The following SDK1 variants were observed in gnomAD, a reference collection of about 807,000 sequenced individuals.
The protein encoded by SDK1 is protein sidekick-1.
A neutral mutation model predicts 245.5 loss-of-function variants in SDK1; 157 were observed. That is an observed-to-expected ratio of 0.64 (90% CI 0.56 to 0.73). The LOEUF is 0.73. Among genes scored for constraint, SDK1 ranks in the 30% least tolerant of loss-of-function variants. The probability of loss-of-function intolerance (pLI) is 0.00; values close to 1 mark genes in which losing one functional copy is unlikely to be tolerated. For missense variants in SDK1, 3,583 were observed against 3,002.3 expected, an observed-to-expected ratio of 1.19 and a Z score of -4.52; for synonymous variants, 1,647 against 1,278.5, an observed-to-expected ratio of 1.29 and a Z score of -6.15.
chr7:3,535,924 A>C (rs939665827), intron 1 of SDK1, among the ~76,000 whole-genome samples: 1 of 152,168 alleles, frequency 6.6e-6, no homozygotes, highest in Admixed American at 6.5e-5. Flanking sequence ...ATGTAAACAT[A>C]TTCCTGAACA....
rs1468435757 is a variant in SDK1 at position 3,969,345 on chromosome 7, C to T, written c.1635C>T (p.Ile545=). The T allele has an allele frequency of 1.2e-5, 20 of 1,611,262 alleles. No individual in the cohort carries two copies. The highest frequency in any genetic ancestry group is 1.7e-5 in the Admixed American group (1 of 59,576). ...GTCTACAGATCGCGCCCGTCTTCAT[C>T]CAGGATGCCGGCAACTACACCTGCT... ...SGGLQIAPVF[I]QDAGNYTCYA... Residue 545 remains isoleucine, a synonymous_variant, in exon 11 of 45, where the codon ATC becomes ATT. Coordinates refer to ENST00000404826, the MANE Select transcript of SDK1 (RefSeq NM_152744.4).
At chr7:3,444,839 C>T (rs1780299144) in intron 1 of SDK1, among the ~76,000 whole-genome samples, 1 of 152,144 alleles carries the variant, frequency 6.6e-6, no homozygotes, top group African/African-American at 2.4e-5. Flanking sequence ...CCCTTTAGAG[C>T]CCTACCTGCA....
At chr7:3,856,184 T>C (rs1780540837) in intron 5 of SDK1, among the ~76,000 whole-genome samples, 1 of 152,126 alleles carries the variant, frequency 6.6e-6, no homozygotes, top group East Asian at 1.9e-4. Flanking sequence ...TGATTCAGTC[T>C]AGATACAAGG....
At chr7:3,359,383 C>T (rs959690666) in intron 1 of SDK1, among the ~76,000 whole-genome samples, 4 of 152,094 alleles carry the variant, frequency 2.6e-5, no homozygotes, top group South Asian at 2.1e-4. Context: ...GTTAAGTTTT[C>T]GTTGTTGTTG....
At chr7:4,143,009 A>G (rs1301327938) in intron 28 of SDK1, among the ~76,000 whole-genome samples, 3 of 152,156 alleles carry the variant, frequency 2.0e-5, no homozygotes, top group Non-Finnish European at 4.4e-5. Flanking sequence ...TGGGGAATTT[A>G]CATTTTAAGG....
intron 1 of SDK1, among the ~76,000 whole-genome samples, chr7:3,585,576 AG>A (rs1350858967): frequency 2.0e-5 from 3 of 152,144 alleles, no homozygotes; most frequent in Non-Finnish European, 4.4e-5. Context: ...GAAGAGGAAG[AG>A]GGTCATGAAG....
At chr7:3,541,123 C>G (rs1417924230) in intron 1 of SDK1, among the ~76,000 whole-genome samples, 1 of 152,206 alleles carries the variant, frequency 6.6e-6, no homozygotes, top group Non-Finnish European at 1.5e-5. Context: ...TACATGCATT[C>G]TGATTCGAAA....
At chr7:3,531,576 A>T (rs958383164) in intron 1 of SDK1, among the ~76,000 whole-genome samples, 1 of 152,194 alleles carries the variant, frequency 6.6e-6, no homozygotes, top group African/African-American at 2.4e-5. Context: ...GCCACTACCT[A>T]AGTATGTCTC....
chr7:3,409,745 C>T (rs1346611273), intron 1 of SDK1, among the ~76,000 whole-genome samples: 1 of 152,028 alleles, frequency 6.6e-6, no homozygotes, highest in Non-Finnish European at 1.5e-5. Flanking sequence ...GAGAGGAGAA[C>T]CACGCTTTGT....
intron 4 of SDK1, among the ~76,000 whole-genome samples, chr7:3,693,938 A>T (rs1182412834): frequency 6.6e-6 from 1 of 152,108 alleles, no homozygotes; most frequent in Non-Finnish European, 1.5e-5. Context: ...CCATGCTCTG[A>T]CACTCAGCTG....
intron 20 of SDK1, among the ~76,000 whole-genome samples, chr7:4,074,778 G>A (rs1257816091): frequency 1.3e-5 from 2 of 149,498 alleles, no homozygotes; most frequent in South Asian, 2.1e-4. Flanking sequence ...TGGGAGAATC[G>A]CTTGGGTTGA....
chr7:4,014,009 A>G (rs942797612), intron 16 of SDK1, among the ~76,000 whole-genome samples: 2 of 152,230 alleles, frequency 1.3e-5, no homozygotes, highest in African/African-American at 4.8e-5. Context: ...CTCCTGTGGC[A>G]CTGCTGCTCT....
intron 1 of SDK1, among the ~76,000 whole-genome samples, chr7:3,610,797 C>G (rs1041721520): frequency 6.6e-6 from 1 of 152,210 alleles, no homozygotes; most frequent in African/African-American, 2.4e-5. Context: ...TGGCTGACTG[C>G]ATAGGCAAAC....
At position 4,267,358 on chromosome 7, in the gene SDK1, T is replaced by A; in HGVS notation, c.*1974T>A. ...CTATTCCTTCTTCCTTTTCTCCTCC[T>A]TTTTCTGAGTGGAGGGGGAAATATT... On this transcript the variant is annotated 3_prime_UTR_variant, in exon 45 of 45. Transcript: ENST00000404826. 1.0e-6 allele frequency: 1 copy of A among 974,196 alleles called. No individual in the cohort carries two copies. The highest frequency in any genetic ancestry group is 1.2e-6 in the Non-Finnish European group (1 of 823,318). 60.3% of individuals were successfully genotyped at this position (974,196 alleles called of 1,614,324 possible).
chr7:3,346,827 A>ATATAATTTTTTTTTTT, intron 1 of SDK1, among the ~76,000 whole-genome samples: 1 of 16,388 alleles, frequency 6.1e-5, no homozygotes, highest in South Asian at 3.4e-3. Context: ...ATATATATAT[A>ATATAATTTTTTTTTTT]TTTTTTTTTT....
intron 44 of SDK1, among the ~76,000 whole-genome samples, chr7:4,264,034 TGGGGAGGCCGCGTAGACCTCTCCTGAGTG>T (rs1359674387): frequency 1.4e-4 from 2 of 14,568 alleles, no homozygotes; most frequent in Non-Finnish European, 2.3e-4. Flanking sequence ...CTCTCCTGAG[TGGGGAGGCCGCGTAGACCTCTCCTGAGTG>T]GGGGAGGCCG....
chr7:3,588,373 G>C (rs1562584569), intron 1 of SDK1, among the ~76,000 whole-genome samples: 1 of 152,172 alleles, frequency 6.6e-6, no homozygotes. Context: ...AATGAGTAAA[G>C]GCTATGCTAA....
rs571890650 is a variant in SDK1, at chr7:3,801,178, T to C, written c.714-20272T>C. Among the ~76,000 whole-genome samples, 52 of 152,376 alleles carry C rather than the reference T, an allele frequency of 3.4e-4. 1 individual carries two copies. Among genetic ancestry groups the C allele is most frequent in the African/African-American group, 1.3e-3 (52 of 41,596 alleles). On this transcript the variant is annotated intron_variant, in intron 4 of 44. Coordinates refer to ENST00000404826, the MANE Select transcript of SDK1 (RefSeq NM_152744.4). ...TCACTATTTCATTTATGAGACATTA[T>C]TGTGTAATTAGCTATTTCATATAAC...
chr7:4,114,638 G>A, intron 25 of SDK1, among the ~76,000 whole-genome samples: 1 of 152,202 alleles, frequency 6.6e-6, no homozygotes, highest in Non-Finnish European at 1.5e-5. Flanking sequence ...AATAGACGTA[G>A]TATGTTAAGT....
Sources: gnomAD v4.1 joint callset for allele counts (sites outside exome capture counted in the v4.1 genomes callset) on GRCh38, gnomAD v4.1.1 for gene constraint, MANE v1.5 for transcripts, NCBI Gene and HGNC (gene_info 2026-07-23, HGNC 2026-07-21) for gene names.